GDA: variants seen among roughly 807,000 people sequenced by gnomAD.
GDA encodes guanine deaminase, also known as cytoplasmic PSD-95 interactor.
GDA carries 18 observed loss-of-function variants against 59.6 expected under a neutral mutation model. The ratio of observed to expected loss-of-function variants is 0.30; its 90% CI spans 0.21 to 0.45. GDA has a LOEUF of 0.45. GDA is among the 20% of genes least tolerant of loss of function. The probability of loss-of-function intolerance (pLI) is 1.00; values close to 1 mark genes in which losing one functional copy is unlikely to be tolerated. For missense variants in GDA, 427 were observed against 552.3 expected, an observed-to-expected ratio of 0.77 and a Z score of 2.27; for synonymous variants, 201 against 201.1, an observed-to-expected ratio of 1.00 and a Z score of 0.00.
At chr9:72,127,840 T>G (rs1230846252) in intron 1 of GDA, among the ~76,000 whole-genome samples, 7 of 152,188 alleles carry the variant, frequency 4.6e-5, no homozygotes, top group African/African-American at 1.2e-4. Flanking sequence ...GTGTTGTCAC[T>G]ATGAACTGAT....
intron 1 of GDA, among the ~76,000 whole-genome samples, chr9:72,140,638 T>C (rs1283651993): frequency 1.3e-5 from 2 of 152,210 alleles, no homozygotes; most frequent in African/African-American, 4.8e-5. Flanking sequence ...ATTGATGTTG[T>C]CATATTATGT....
chr9:72,160,404 A>G (rs1386578415), intron 1 of GDA, among the ~76,000 whole-genome samples: 1 of 152,122 alleles, frequency 6.6e-6, no homozygotes, highest in Non-Finnish European at 1.5e-5. Flanking sequence ...TCCTCTCTTC[A>G]CCTCTGCAAC....
chr9:72,152,241 C>G lies in GDA; in HGVS notation c.123+2559C>G, dbSNP rs577916337. On this transcript the variant is annotated intron_variant, in intron 1 of 13. Coordinates refer to ENST00000358399, the MANE Select transcript of GDA (RefSeq NM_004293.5). ...AGAATCTCAGCGAGAGGGCACAAAG[C>G]TTACTCTGTCCTTCTGGTCTCGCTT... Among the ~76,000 whole-genome samples the G allele has an allele frequency of 7.9e-5, 12 of 152,310 alleles. No individual in the cohort carries two copies. The South Asian group carries it at 1.2e-3, about 16-fold the overall frequency.
chr9:72,174,287 T>G (rs941427423), intron 1 of GDA, among the ~76,000 whole-genome samples: 1 of 152,182 alleles, frequency 6.6e-6, no homozygotes, highest in Non-Finnish European at 1.5e-5. Flanking sequence ...AAGACAGATA[T>G]GAATAAAATA....
chr9:72,175,197 C>T (rs779107522), intron 1 of GDA, among the ~76,000 whole-genome samples: 4 of 152,138 alleles, frequency 2.6e-5, no homozygotes, highest in Non-Finnish European at 4.4e-5. Flanking sequence ...GATAGGGTCT[C>T]ACTCTGTCAC....
intron 2 of GDA, among the ~76,000 whole-genome samples, chr9:72,198,049 C>A (rs935271783): frequency 2.0e-5 from 3 of 151,978 alleles, no homozygotes; most frequent in Non-Finnish European, 2.9e-5. Context: ...GGGGGAGGGG[C>A]AAAAACTCAG....
At chr9:72,180,994 C>T (rs1831135430) in intron 1 of GDA, among the ~76,000 whole-genome samples, 1 of 152,122 alleles carries the variant, frequency 6.6e-6, no homozygotes. Context: ...CTTTTGGTCA[C>T]TTTGGGTGTT....
At chr9:72,198,861 A>ATATATATATATATATATATAT (rs1491123372) in intron 2 of GDA, among the ~76,000 whole-genome samples, 36 of 147,852 alleles carry the variant, frequency 2.4e-4, no homozygotes, top group South Asian at 6.3e-4. Flanking sequence ...ATATATATAT[A>ATATATATATATATATATATAT]AAATTTTTTT....
At chr9:72,232,191 G>C (rs1838438314) in intron 10 of GDA, among the ~76,000 whole-genome samples, 1 of 152,148 alleles carries the variant, frequency 6.6e-6, no homozygotes. Context: ...CGTGTTTTCT[G>C]TTCTTGATGC....
At chr9:72,138,967 A>G (rs1161034325) in intron 1 of GDA, among the ~76,000 whole-genome samples, 3 of 152,218 alleles carry the variant, frequency 2.0e-5, no homozygotes, top group Non-Finnish European at 4.4e-5. Context: ...TATTGCATTT[A>G]TGAAACATCT....
At chr9:72,136,743 AG>A (rs1342885198) in intron 1 of GDA, among the ~76,000 whole-genome samples, 1 of 152,162 alleles carries the variant, frequency 6.6e-6, no homozygotes, top group African/African-American at 2.4e-5. Context: ...TGGTAGGCCG[AG>A]GTGGGCGGAT....
intron 1 of GDA, among the ~76,000 whole-genome samples, chr9:72,150,071 G>A (rs1826992488): frequency 6.6e-6 from 1 of 152,072 alleles, no homozygotes; most frequent in Non-Finnish European, 1.5e-5. Flanking sequence ...GCCTGGCACA[G>A]GAGGCTCTCC....
intron 1 of GDA, among the ~76,000 whole-genome samples, chr9:72,150,523 C>T (rs1212222565): frequency 6.6e-6 from 1 of 152,170 alleles, no homozygotes; most frequent in Non-Finnish European, 1.5e-5. Context: ...GTGACTATAT[C>T]AGCCATGGCC....
At chr9:72,239,634 T>C (rs2131765983) in intron 10 of GDA, among the ~76,000 whole-genome samples, 1 of 152,308 alleles carries the variant, frequency 6.6e-6, no homozygotes, top group South Asian at 2.1e-4. Context: ...TTTGTTGTTT[T>C]AGCAATAAAG....
chr9:72,152,202 T>C (rs1456969423), intron 1 of GDA, among the ~76,000 whole-genome samples: 1 of 152,150 alleles, frequency 6.6e-6, no homozygotes, highest in Non-Finnish European at 1.5e-5. Flanking sequence ...CCATTGCAAG[T>C]TTAGATCTGG....
At chr9:72,161,757 A>G (rs1383812589) in intron 1 of GDA, among the ~76,000 whole-genome samples, 1 of 152,232 alleles carries the variant, frequency 6.6e-6, no homozygotes, top group Non-Finnish European at 1.5e-5. Context: ...GACCCTCCAT[A>G]AGCAATAGCT....
At chr9:72,197,747 T>C (rs757218982) in intron 2 of GDA, among the ~76,000 whole-genome samples, 8 of 152,210 alleles carry the variant, frequency 5.3e-5, no homozygotes, top group Non-Finnish European at 1.0e-4. Context: ...GCAGAGATTC[T>C]TATATCAAGC....
intron 1 of GDA, among the ~76,000 whole-genome samples, chr9:72,192,661 C>A (rs963477827): frequency 6.6e-6 from 1 of 151,356 alleles, no homozygotes; most frequent in African/African-American, 2.4e-5. Flanking sequence ...GCAGGCAGAT[C>A]ACTAGGTCAG....
intron 5 of GDA, among the ~76,000 whole-genome samples, 184 bp downstream of exon 5, chr9:72,214,175 C>T (rs180852675): frequency 7.9e-4 from 121 of 152,288 alleles, no homozygotes; most frequent in Non-Finnish European, 1.3e-3. Context: ...ATCAAACACT[C>T]GATAATCATT....
Sources: gnomAD v4.1 joint callset for allele counts (sites outside exome capture counted in the v4.1 genomes callset) on GRCh38, gnomAD v4.1.1 for gene constraint, MANE v1.5 for transcripts, NCBI Gene and HGNC (gene_info 2026-07-23, HGNC 2026-07-21) for gene names.